Variants in RORA observed in about 807,000 individuals in gnomAD.
RORA encodes the protein RAR related orphan receptor A, also known as nuclear receptor ROR-alpha.
Under a neutral mutation model 69.5 loss-of-function variants are expected in RORA, and 7 were observed. The ratio of observed to expected loss-of-function variants is 0.10; its 90% CI spans 0.06 to 0.19. RORA has a LOEUF of 0.19. Among genes scored for constraint, RORA ranks in the 10% least tolerant of loss-of-function variants. The pLI is 1.00. For synonymous variants in RORA, 261 were observed against 240.8 expected (o/e 1.08, Z -0.78); for missense variants, 457 against 663.0 (o/e 0.69, Z 3.41).
At chr15:60,833,566 A>G (rs1291366038) in intron 1 of RORA, among the ~76,000 whole-genome samples, 2 of 151,562 alleles carry the variant, frequency 1.3e-5, no homozygotes, top group African/African-American at 2.4e-5. Flanking sequence ...CTCATTTGCT[A>G]CTCTCCAGTT....
chr15:60,849,102 TC>T (rs2073297590), intron 1 of RORA: 1 of 152,238 alleles, frequency 6.6e-6, no homozygotes, highest in South Asian at 2.1e-4. Flanking sequence ...TCTGGGTTCT[TC>T]TTTTTGTATC....
At chr15:61,095,543 C>T (rs1374642154) in intron 1 of RORA, among the ~76,000 whole-genome samples, 1 of 152,184 alleles carries the variant, frequency 6.6e-6, no homozygotes, top group Non-Finnish European at 1.5e-5. Context: ...ACTCAGTCTG[C>T]GGGCTGGGCC....
intron 1 of RORA, among the ~76,000 whole-genome samples, chr15:61,170,461 T>A (rs943172713): frequency 2.2e-4 from 33 of 152,194 alleles, no homozygotes; most frequent in African/African-American, 8.0e-4. Context: ...TATAAGGACC[T>A]GTAATTACAC....
chr15:61,027,797 C>T (rs762934989), intron 1 of RORA, among the ~76,000 whole-genome samples: 5 of 152,066 alleles, frequency 3.3e-5, no homozygotes, highest in African/African-American at 1.2e-4. Flanking sequence ...GGATAAAGGC[C>T]AAATTACATT....
At position 60,866,977 on chromosome 15, in the gene RORA, T is replaced by C. The variant is rs368082423; in HGVS notation, c.167-188291A>G. Among the ~76,000 whole-genome samples, 32 of 152,174 alleles carry C rather than the reference T, an allele frequency of 2.1e-4. No individual in the cohort carries two copies. In the East Asian group the frequency reaches 2.7e-3, roughly 13 times the overall value. On this transcript the variant is annotated intron_variant, in intron 1 of 10. Coordinates refer to ENST00000335670, the MANE Select transcript of RORA (RefSeq NM_134261.3). The stretch of plus-strand genomic sequence containing the variant: ...GCCTGCAGGGCTCAAGCGATTCTCA[T>C]GCCTCAGCCTCCCGGGTAGCTGGGA...
intron 1 of RORA, among the ~76,000 whole-genome samples, chr15:60,738,801 T>C (rs2071536198): frequency 1.3e-5 from 2 of 152,218 alleles, no homozygotes. Flanking sequence ...AAGGCCAAGA[T>C]CAGGTTGCTG....
intron 1 of RORA, among the ~76,000 whole-genome samples, chr15:60,746,134 T>C (rs181466524): frequency 6.6e-6 from 1 of 152,328 alleles, no homozygotes; most frequent in Admixed American, 6.5e-5. Flanking sequence ...TTTATAAGTA[T>C]GTGTCCAACA....
At chr15:60,699,865 G>A (rs2070957693) in intron 1 of RORA, among the ~76,000 whole-genome samples, 1 of 151,450 alleles carries the variant, frequency 6.6e-6, no homozygotes, top group Non-Finnish European at 1.5e-5. Context: ...AAGACCCCTT[G>A]TGCTATTTAT....
chr15:60,767,715 CCT>C (rs2072011731), intron 1 of RORA, among the ~76,000 whole-genome samples: 1 of 152,152 alleles, frequency 6.6e-6, no homozygotes, highest in Admixed American at 6.6e-5. Flanking sequence ...TATTCTATTC[CCT>C]GTCCTCACCT....
chr15:60,715,200 A>G (rs532528547), intron 1 of RORA, among the ~76,000 whole-genome samples: 1 of 152,312 alleles, frequency 6.6e-6, no homozygotes, highest in South Asian at 2.1e-4. Flanking sequence ...CCAATGTGTC[A>G]TCATTTCCAT....
At chr15:60,777,321 T>C (rs1191843652) in intron 1 of RORA, among the ~76,000 whole-genome samples, 1 of 152,186 alleles carries the variant, frequency 6.6e-6, no homozygotes, top group African/African-American at 2.4e-5. Context: ...AGCAGCCTCA[T>C]GGTATCATGG....
chr15:61,006,287 T>C (rs8026709), intron 1 of RORA, among the ~76,000 whole-genome samples: 66,904 of 151,876 alleles, frequency 0.44, 15,716 homozygotes, highest in African/African-American at 0.61. Context: ...TTTTTTATTG[T>C]TTTGTGCTGT....
At chr15:60,727,339 C>T (rs1312662296) in intron 1 of RORA, among the ~76,000 whole-genome samples, 1 of 152,188 alleles carries the variant, frequency 6.6e-6, no homozygotes, top group African/African-American at 2.4e-5. Context: ...GAATTCCCAA[C>T]ATACCTTCCT....
intron 1 of RORA, among the ~76,000 whole-genome samples, chr15:61,039,327 A>T (rs1896616861): frequency 6.6e-6 from 1 of 152,180 alleles, no homozygotes. Flanking sequence ...CAAATGTTAG[A>T]AATGTTGGCA....
chr15:60,500,389 T>C (rs920580426), intron 9 of RORA, among the ~76,000 whole-genome samples: 3 of 152,222 alleles, frequency 2.0e-5, no homozygotes, highest in African/African-American at 7.2e-5. Flanking sequence ...ATAGGAAAGT[T>C]TTCTTGTAAT....
intron 2 of RORA, among the ~76,000 whole-genome samples, chr15:60,666,654 A>G (rs2070387060): frequency 6.6e-6 from 1 of 152,148 alleles, no homozygotes; most frequent in Admixed American, 6.5e-5. Flanking sequence ...CCTTTGATGG[A>G]GCAATAAGAC....
intron 1 of RORA, among the ~76,000 whole-genome samples, chr15:60,695,952 G>A (rs1405346256): frequency 6.6e-6 from 1 of 151,824 alleles, no homozygotes; most frequent in Non-Finnish European, 1.5e-5. Context: ...CTGTTCCCGC[G>A]ACCACCAAGC....
At chr15:60,957,603 G>A (rs1161828905) in intron 1 of RORA, among the ~76,000 whole-genome samples, 1 of 152,202 alleles carries the variant, frequency 6.6e-6, no homozygotes, top group African/African-American at 2.4e-5. Context: ...TCCCTGAGGG[G>A]GCTATAGTTC....
At chr15:60,542,202 AAC>A (rs1264180257) in intron 2 of RORA, among the ~76,000 whole-genome samples, 12 of 152,176 alleles carry the variant, frequency 7.9e-5, no homozygotes, top group Admixed American at 2.6e-4. Flanking sequence ...ATCGGATGGA[AAC>A]ACACTCTGAT....
Sources: allele counts gnomAD v4.1 joint callset (sites outside exome capture counted in the v4.1 genomes callset), GRCh38; gene constraint gnomAD v4.1.1; transcripts MANE v1.5; gene names NCBI Gene and HGNC (gene_info 2026-07-23, HGNC 2026-07-21).